CADM2: variants seen among roughly 807,000 people sequenced by gnomAD.
CADM2 encodes the protein cell adhesion molecule 2.
In CADM2, 12 loss-of-function variants were observed where a neutral mutation model predicts 49.8. The observed-to-expected ratio is 0.24, with a 90% CI of 0.15 to 0.39. The LOEUF (loss-of-function observed/expected upper bound fraction) is 0.39. Among genes scored for constraint, CADM2 ranks in the 10% least tolerant of loss-of-function variants. The pLI is 1.00. For synonymous variants in CADM2, 214 were observed against 175.4 expected (o/e 1.22, Z -1.74); for missense variants, 378 against 492.3 (o/e 0.77, Z 2.20).
intron 1 of CADM2, among the ~76,000 whole-genome samples, chr3:85,031,606 C>T (rs2034982909): frequency 6.6e-6 from 1 of 152,160 alleles, no homozygotes; most frequent in African/African-American, 2.4e-5. Context: ...GCTCCGCCTC[C>T]CGGGTTCACG....
chr3:85,314,337 C>A (rs2044416232), intron 1 of CADM2, among the ~76,000 whole-genome samples: 1 of 151,718 alleles, frequency 6.6e-6, no homozygotes, highest in Non-Finnish European at 1.5e-5. Flanking sequence ...TATTAAAAAA[C>A]CACACTGTTG....
At chr3:85,991,171 C>T (rs945151665) in intron 8 of CADM2, among the ~76,000 whole-genome samples, 4 of 152,070 alleles carry the variant, frequency 2.6e-5, no homozygotes, top group Non-Finnish European at 4.4e-5. Flanking sequence ...CTTCATTATC[C>T]CCCCACACAT....
intron 8 of CADM2, among the ~76,000 whole-genome samples, chr3:86,037,996 C>G (rs999387426): frequency 1.3e-5 from 2 of 151,988 alleles, no homozygotes; most frequent in Non-Finnish European, 2.9e-5. Context: ...TGCCCCCAAC[C>G]CCCTGACAAG....
At chr3:85,130,171 T>C (rs2039176798) in intron 1 of CADM2, among the ~76,000 whole-genome samples, 1 of 152,214 alleles carries the variant, frequency 6.6e-6, no homozygotes, top group Non-Finnish European at 1.5e-5. Context: ...GGGTTTACAG[T>C]AATTTTATAA....
intron 8 of CADM2, among the ~76,000 whole-genome samples, chr3:85,997,865 G>A (rs1729622604): frequency 6.6e-6 from 1 of 152,122 alleles, no homozygotes. Flanking sequence ...CTTCGTTTTG[G>A]TCAGGAGAAA....
intron 1 of CADM2, among the ~76,000 whole-genome samples, chr3:85,548,715 T>C (rs1470244585): frequency 1.3e-5 from 2 of 152,152 alleles, no homozygotes; most frequent in Non-Finnish European, 2.9e-5. Flanking sequence ...TTTTCCTCCT[T>C]TTGTCTTTAT....
At chr3:85,206,549 C>T (rs566878814) in intron 1 of CADM2, among the ~76,000 whole-genome samples, 11 of 152,052 alleles carry the variant, frequency 7.2e-5, no homozygotes, top group Non-Finnish European at 1.0e-4. Flanking sequence ...CCTCGTGATC[C>T]GCCCACCTCG....
At chr3:85,094,325 A>T (rs2037712149) in intron 1 of CADM2, among the ~76,000 whole-genome samples, 1 of 152,168 alleles carries the variant, frequency 6.6e-6, no homozygotes, top group Non-Finnish European at 1.5e-5. Context: ...TAAGGCCTGT[A>T]TTCAGCTACT....
At chr3:85,013,607 A>G (rs2107263628) in intron 1 of CADM2, among the ~76,000 whole-genome samples, 1 of 151,644 alleles carries the variant, frequency 6.6e-6, no homozygotes, top group Non-Finnish European at 1.5e-5. Flanking sequence ...AGCTAACAAA[A>G]TCCTTTAAAG....
At chr3:85,573,989 C>T (rs1266620361) in intron 1 of CADM2, among the ~76,000 whole-genome samples, 1 of 152,202 alleles carries the variant, frequency 6.6e-6, no homozygotes, top group East Asian at 1.9e-4. Flanking sequence ...ACGATACTGA[C>T]TGGTTATTTC....
chr3:85,890,786 C>T (rs1164219806), intron 5 of CADM2, among the ~76,000 whole-genome samples: 2 of 151,726 alleles, frequency 1.3e-5, no homozygotes, highest in African/African-American at 2.4e-5. Flanking sequence ...TTTTCTTTCA[C>T]AAAGGAGTAG....
chr3:85,503,129 T>C (rs990322717), intron 1 of CADM2, among the ~76,000 whole-genome samples: 1 of 152,002 alleles, frequency 6.6e-6, no homozygotes, highest in Admixed American at 6.6e-5. Context: ...TATTTTTATA[T>C]GAAGAAATGA....
intron 3 of CADM2, among the ~76,000 whole-genome samples, chr3:85,866,887 C>T (rs1396925361): frequency 6.6e-6 from 1 of 151,956 alleles, no homozygotes; most frequent in Non-Finnish European, 1.5e-5. Flanking sequence ...AACGTGCATT[C>T]ATGCTATACA....
At chr3:85,665,232 A>G (rs1190067548) in intron 1 of CADM2, among the ~76,000 whole-genome samples, 1 of 151,930 alleles carries the variant, frequency 6.6e-6, no homozygotes, top group Non-Finnish European at 1.5e-5. Context: ...CATATTTGGA[A>G]TGGTGATTTC....
intron 8 of CADM2, among the ~76,000 whole-genome samples, chr3:86,000,981 A>G (rs567642837): frequency 6.6e-6 from 1 of 152,252 alleles, no homozygotes; most frequent in African/African-American, 2.4e-5. Flanking sequence ...AAGTTTAGGG[A>G]GCTACTGAAA....
At chr3:85,369,454 G>A (rs1047620631) in intron 1 of CADM2, among the ~76,000 whole-genome samples, 7 of 152,082 alleles carry the variant, frequency 4.6e-5, no homozygotes, top group Admixed American at 3.3e-4. Flanking sequence ...CCAACATGGC[G>A]AAACCCCATC....
chr3:85,690,114 G>A (rs2066337964), intron 1 of CADM2, among the ~76,000 whole-genome samples: 1 of 152,150 alleles, frequency 6.6e-6, no homozygotes, highest in Non-Finnish European at 1.5e-5. Flanking sequence ...TGGGAGAGGA[G>A]ATAGTACAGC....
chr3:85,728,903 A>C (rs2067819077), intron 2 of CADM2, among the ~76,000 whole-genome samples: 1 of 152,216 alleles, frequency 6.6e-6, no homozygotes, highest in African/African-American at 2.4e-5. Flanking sequence ...GTCAGAAATT[A>C]TTAGTAATAG....
chr3:85,820,664 T>C (rs2073496640), intron 3 of CADM2, among the ~76,000 whole-genome samples: 2 of 152,116 alleles, frequency 1.3e-5, no homozygotes, highest in Admixed American at 1.3e-4. Context: ...GATTTGTCCT[T>C]TTGAGCTTAT....
Sources: gnomAD v4.1 joint callset for allele counts (sites outside exome capture counted in the v4.1 genomes callset) on GRCh38, gnomAD v4.1.1 for gene constraint, MANE v1.5 for transcripts, NCBI Gene and HGNC (gene_info 2026-07-23, HGNC 2026-07-21) for gene names.